The following SLC19A1 variants were observed in gnomAD, a reference collection of about 807,000 sequenced individuals.
SLC19A1 encodes solute carrier family 19 member 1, also known as reduced folate transporter.
SLC19A1 carries 37 observed loss-of-function variants against 35.3 expected under a neutral mutation model. The ratio of observed to expected loss-of-function variants is 1.05; its 90% confidence interval spans 0.81 to 1.38. The LOEUF (loss-of-function observed/expected upper bound fraction) is 1.38. Ranked by LOEUF, SLC19A1 falls within the 40% of genes most tolerant of loss-of-function variation. The probability of loss-of-function intolerance (pLI) is 0.00; values close to 1 mark genes in which losing one functional copy is unlikely to be tolerated. For synonymous variants in SLC19A1, 460 were observed against 398.5 expected (o/e 1.15, Z -1.84); for missense variants, 831 against 826.9 (o/e 1.00, Z -0.06).
Position 45,530,390 on chromosome 21 carries a change from GGTGT to G in SLC19A1, c.1151+376_1151+379del, listed in dbSNP as rs956611252. Among the ~76,000 whole-genome samples the G allele has an allele frequency of 1.3e-5, 2 of 151,710 alleles. No individual in the cohort carries two copies. The highest frequency in any genetic ancestry group is 4.9e-5 in the African/African-American group (2 of 41,234). ...TGTGTGTGTCCATGTGTGAGCGTGT[GGTGT>G]GTGTGTGGTGTGAGTGCCTGGTGTG... is the stretch of plus-strand genomic sequence containing the variant. On this transcript the variant is annotated intron_variant, in intron 4 of 5. Coordinates refer to ENST00000311124, the MANE Select transcript of SLC19A1 (RefSeq NM_194255.4). The surrounding 1 kb of genome is among the most constrained non-coding windows in gnomAD (Gnocchi z 5.3).
chr21:45,529,626 C>A (rs1036940151), intron 4 of SLC19A1, among the ~76,000 whole-genome samples: 1 of 100,722 alleles, frequency 9.9e-6, no homozygotes, highest in Non-Finnish European at 2.1e-5. Flanking sequence ...TGAACGTGTC[C>A]ATGTGTAAAC....
At chr21:45,521,713 T>C (rs769253207) in intron 5 of SLC19A1, among the ~76,000 whole-genome samples, 1 of 152,172 alleles carries the variant, frequency 6.6e-6, no homozygotes, top group Non-Finnish European at 1.5e-5. Flanking sequence ...CAGACTCACA[T>C]AAATATGCCC....
intron 1 of SLC19A1, among the ~76,000 whole-genome samples, chr21:45,551,131 A>C (rs556216330): frequency 2.0e-5 from 3 of 151,644 alleles, no homozygotes; most frequent in African/African-American, 7.3e-5. Context: ...TGGATCTAAA[A>C]ACTCAAGTTT....
At chr21:45,509,816 C>A (rs964092833), downstream of SLC19A1, among the ~76,000 whole-genome samples, 2 of 152,332 alleles carry the variant, frequency 1.3e-5, no homozygotes, top group Non-Finnish European at 2.9e-5. Context: ...GCTGTCACAT[C>A]CTTGAGGAAC....
chr21:45,503,858 G>A (rs538075369), intron 3 of SLC19A1: 28 of 609,612 alleles, frequency 4.6e-5, no homozygotes, highest in African/African-American at 2.4e-4. Flanking sequence ...AGAAAGTATC[G>A]GTTAACTAGG....
At chr21:45,557,006 C>G (rs2078569856) in intron 1 of SLC19A1, among the ~76,000 whole-genome samples, 1 of 152,212 alleles carries the variant, frequency 6.6e-6, no homozygotes, top group Non-Finnish European at 1.5e-5. Context: ...CCTGGCTACT[C>G]CGAGAGGCCT....
intron 1 of SLC19A1, among the ~76,000 whole-genome samples, chr21:45,541,353 T>C (rs2078296774): frequency 6.6e-6 from 1 of 152,264 alleles, no homozygotes; most frequent in African/African-American, 2.4e-5. Context: ...ACCTCGGCTC[T>C]GCTGATTGAA....
chr21:45,543,411 C>CCGTG (rs1302957216), upstream of SLC19A1, among the ~76,000 whole-genome samples: 1 of 152,242 alleles, frequency 6.6e-6, no homozygotes, highest in African/African-American at 2.4e-5. Flanking sequence ...GGGACGGCCA[C>CCGTG]CGTGGTACCC....
intron 5 of SLC19A1, among the ~76,000 whole-genome samples, chr21:45,521,030 AAAAAC>A (rs1395047765): frequency 6.6e-6 from 1 of 152,000 alleles, no homozygotes; most frequent in East Asian, 1.9e-4. Flanking sequence ...CAAAAAAAAA[AAAAAC>A]AAACGAAAAA....
intron 5 of SLC19A1, among the ~76,000 whole-genome samples, 178 bp from the exon 6 acceptor site, chr21:45,516,318 C>A (rs899245586): frequency 6.6e-6 from 1 of 152,130 alleles, no homozygotes; most frequent in Non-Finnish European, 1.5e-5. Context: ...CCACAGCCCC[C>A]CCGACCTCCA....
chr21:45,546,265 C>T (rs894828172), upstream of SLC19A1, among the ~76,000 whole-genome samples: 3 of 152,266 alleles, frequency 2.0e-5, no homozygotes, highest in African/African-American at 7.2e-5. Flanking sequence ...GAGGAAGAAG[C>T]GTTGTCCCTG....
chr21:45,537,942 T>A lies in SLC19A1; in HGVS notation c.18A>T (p.Pro6=). The change falls in exon 2 of 6, where the codon CCA becomes CCT. Residue 6 remains proline (P), a synonymous_variant. Transcript: ENST00000311124. MVPSS[P]AVEKQVPVEP... ...CCACGGGCACCTGCTTCTCCACCGC[T>A]GGGCTGGAGGGCACCATCCTGCTCA... The A allele has an allele frequency of 6.3e-7, 1 of 1,577,652 alleles. No individual in the cohort carries two copies. Among genetic ancestry groups the A allele is most frequent in the South Asian group, 1.1e-5 (1 of 87,104 alleles).
In SLC19A1 at chr21:45,555,151, A is replaced by G. The variant is rs891373056; in HGVS notation, c.-50+7591T>C. Among the ~76,000 whole-genome samples, 102 of 58,946 alleles carry G rather than the reference A, an allele frequency of 1.7e-3. 2 individuals are homozygous for G. In the Middle Eastern group the frequency reaches 0.023, roughly 13 times the overall value. 38.7% of individuals were successfully genotyped at this position (58,946 alleles called of 152,430 possible). A position where few individuals can be genotyped will look rare whatever the true frequency, so the allele number is the denominator to read the frequency against. ...AGCCTCGCGACGCAGGGGGCGGTGC[A>G]GGGGGCGGCGGGGGCGGCGCAGGGG... is the stretch of plus-strand genomic sequence containing the variant. On this transcript the variant is annotated intron_variant, in intron 1 of 5. Coordinates refer to the SLC19A1 transcript ENST00000650808.
chr21:45,517,183 A>T lies in SLC19A1; in HGVS notation c.1294-1043T>A, dbSNP rs1253050715. 1.3e-5 allele frequency among the ~76,000 whole-genome samples: 2 copies of T among 152,196 alleles called. No individual in the cohort carries two copies. Among genetic ancestry groups the T allele is most frequent in the African/African-American group, 4.8e-5 (2 of 41,456 alleles). The stretch of plus-strand genomic sequence containing the variant: ...TTCACCTCAGATATTTTGAAACTGA[A>T]GAAGGCAGCAGGCTGGAAAAGACAA... On this transcript the variant is annotated intron_variant, in intron 5 of 5. Transcript: ENST00000311124. The surrounding 1 kb of genome is among the most constrained non-coding windows in gnomAD (Gnocchi z 4.4).
At position 45,531,539 on chromosome 21, in the gene SLC19A1, G is replaced by C. The variant is rs2077902987; in HGVS notation, c.799C>G (p.Leu267Val). 1 of 1,612,318 alleles carries C rather than the reference G, an allele frequency of 6.2e-7. No individual in the cohort carries two copies. The highest frequency in any genetic ancestry group is 2.2e-5 in the East Asian group (1 of 44,880). ...ACCCACCAGAGGGACCACAGGCGCA[G>C]CTGCGGCCGCCGCAGGCTGTCCCCC... is the stretch of plus-strand genomic sequence containing the variant. ...ELGDSLRRPQ[L>V]RLWSLWWVFN... Residue 267 changes from leucine (L) to valine (V), a missense_variant, in exon 3 of 6, where the codon CTG (leucine) becomes GTG (valine). Coordinates refer to ENST00000311124, the MANE Select transcript of SLC19A1 (RefSeq NM_194255.4).
At chr21:45,509,687 T>TG, downstream of SLC19A1, 14 of 820,460 alleles carry the variant, frequency 1.7e-5, no homozygotes, top group Non-Finnish European at 2.8e-5. Context: ...GCAGAGCTGC[T>TG]GGGGGTCCCA....
chr21:45,506,173 G>A (rs889842394), intron 3 of SLC19A1: 3 of 673,788 alleles, frequency 4.5e-6, no homozygotes, highest in Non-Finnish European at 7.6e-6. Context: ...TCAAGCTTCT[G>A]AAAGTGGATG....
In SLC19A1 at chr21:45,530,623, G is replaced by A; in HGVS notation, c.1151+147C>T. The A allele has an allele frequency of 1.3e-6, 1 of 771,636 alleles. No homozygotes were observed. Among genetic ancestry groups the A allele is most frequent in the South Asian group, 1.8e-5 (1 of 55,516 alleles). The allele number at this position is 771,636 out of a possible 1,614,324, so 47.8% of individuals were successfully genotyped here. On this transcript the variant is annotated intron_variant, in intron 4 of 5. Coordinates refer to ENST00000311124, the MANE Select transcript of SLC19A1 (RefSeq NM_194255.4). This position sits in a 1 kb window ranked among gnomAD's most constrained non-coding sequence, Gnocchi z 5.3. ...CCCGAGGTCCCAGGGAGAGGCAAGT[G>A]GGGACCCTGGTCAGCTCCAGGTGGC...
intron 2 of SLC19A1, 70 bp from the exon 3 acceptor site, chr21:45,532,218 C>T (rs1450180690): frequency 4.5e-6 from 6 of 1,338,732 alleles, no homozygotes; most frequent in Non-Finnish European, 6.2e-6. Context: ...ACAGCCCGCC[C>T]GAGGTGATGG....
Sources: allele counts gnomAD v4.1 joint callset (sites outside exome capture counted in the v4.1 genomes callset), GRCh38; gene constraint gnomAD v4.1.1; non-coding constraint Gnocchi (gnomAD v3.1); transcripts MANE v1.5; gene names NCBI Gene and HGNC (gene_info 2026-07-23, HGNC 2026-07-21).